Variants in ELOB observed in about 807,000 individuals in gnomAD.
The protein encoded by ELOB is elongin-B.
A neutral mutation model predicts 12.9 loss-of-function variants in ELOB; 3 were observed. That is an observed-to-expected ratio of 0.23 (90% CI 0.11 to 0.60). The LOEUF is 0.60. Ranked by LOEUF, ELOB falls within the 20% of genes least tolerant of loss-of-function variation. ELOB has a pLI of 0.89. For missense variants in ELOB, 126 were observed against 159.2 expected, an observed-to-expected ratio of 0.79 and a Z score of 1.12; for synonymous variants, 84 against 67.4, an observed-to-expected ratio of 1.25 and a Z score of -1.21.
At chr16:2,772,805 G>A (rs537947554) in intron 3 of ELOB, among the ~76,000 whole-genome samples, 8 of 151,946 alleles carry the variant, frequency 5.3e-5, no homozygotes, top group East Asian at 1.9e-4. Flanking sequence ...AGTCCTTGCC[G>A]TCTGTCTCTC....
In ELOB at chr16:2,777,124, C is replaced by T; in HGVS notation, c.7G>A (p.Val3Met). The T allele has an allele frequency of 6.5e-7, 1 of 1,548,608 alleles. No individual in the cohort carries two copies. The highest frequency in any genetic ancestry group is 8.7e-7 in the Non-Finnish European group (1 of 1,147,180). ...TTGTGGCGCCGGATCATGAGGAACA[C>T]GTCCTGGGGGCGGCGGGCCGGCGTG... MD[V>M]FLMIRRHKTT... Residue 3 changes from valine to methionine, a missense_variant, in exon 2 of 4, where the codon GTG becomes ATG. Physicochemically the swap from Val to Met is conservative, Grantham distance 21. Coordinates refer to ENST00000409906, the MANE Select transcript of ELOB (RefSeq NM_007108.4).
intron 3 of ELOB, 93 bp downstream of exon 3, chr16:2,775,358 G>C: frequency 1.2e-6 from 1 of 806,456 alleles, no homozygotes; most frequent in African/African-American, 1.7e-5. Flanking sequence ...TGCCCTGAAG[G>C]CTTCAACTCC....
chr16:2,773,271 G>A (rs554339861), intron 3 of ELOB, among the ~76,000 whole-genome samples: 18 of 152,194 alleles, frequency 1.2e-4, no homozygotes, highest in East Asian at 3.9e-4. Flanking sequence ...GTGCCCCAGC[G>A]CTATCTAGTG....
At chr16:2,772,988 CA>C (rs2068775384) in intron 3 of ELOB, among the ~76,000 whole-genome samples, 1 of 152,112 alleles carries the variant, frequency 6.6e-6, no homozygotes, top group Non-Finnish European at 1.5e-5. Context: ...CACGCACCCC[CA>C]AAAGTCAAGA....
chr16:2,772,238 A>G (rs2068763455), intron 3 of ELOB, 136 bp from the exon 4 acceptor site: 5 of 1,053,056 alleles, frequency 4.7e-6, no homozygotes, highest in Non-Finnish European at 6.5e-6. Context: ...TAGTCTCCAC[A>G]GCGCTGACCT....
chr16:2,776,593 G>C (rs1027243852), intron 2 of ELOB, among the ~76,000 whole-genome samples: 30 of 152,200 alleles, frequency 2.0e-4, no homozygotes, highest in African/African-American at 6.3e-4. Flanking sequence ...AGGAGTGTCC[G>C]GGGGGACAGC....
At chr16:2,774,014 G>A (rs1424201349) in intron 3 of ELOB, among the ~76,000 whole-genome samples, 2 of 152,192 alleles carry the variant, frequency 1.3e-5, no homozygotes, top group Non-Finnish European at 2.9e-5. Flanking sequence ...TGGATCGCCT[G>A]AGGTCAGGAG....
chr16:2,772,132 G>A (rs377208918), intron 3 of ELOB, 30 bp from the exon 4 acceptor site: 75 of 1,558,602 alleles, frequency 4.8e-5, no homozygotes, highest in Non-Finnish European at 6.3e-5. Context: ...GCTGCAGGGG[G>A]GTATTCCAGC....
intron 1 of ELOB, 34 bp from the exon 2 acceptor site, chr16:2,777,161 C>T (rs377483102): frequency 1.1e-5 from 14 of 1,253,230 alleles, no homozygotes; most frequent in Non-Finnish European, 1.4e-5. Context: ...GCACGAAGCC[C>T]GGGCCCCCCG....
At position 2,771,567 on chromosome 16, in the gene ELOB, T is replaced by C; in HGVS notation, c.*423A>G. 1 of 1,614,152 alleles carries C rather than the reference T, an allele frequency of 6.2e-7. No homozygotes were observed. On this transcript the variant is annotated 3_prime_UTR_variant, in exon 4 of 4. Transcript: ENST00000409906. Reference sequence around the variant, plus strand: ...CCAGGACACTGGCTCCAGCTTGTGTTTCTGCTCTTGGCCATCGTCTGGGAG... The same window carrying C: ...CCAGGACACTGGCTCCAGCTTGTGTCTCTGCTCTTGGCCATCGTCTGGGAG...
intron 3 of ELOB, among the ~76,000 whole-genome samples, chr16:2,772,704 C>G (rs1315564785): frequency 7.0e-6 from 1 of 141,960 alleles, no homozygotes; most frequent in East Asian, 2.0e-4. Context: ...GACTCCATCT[C>G]AAAAAAAAAA....
At position 2,771,751 on chromosome 16, in the gene ELOB, G is replaced by A. The variant is rs1365526360; in HGVS notation, c.*239C>T. On this transcript the variant is annotated 3_prime_UTR_variant, in exon 4 of 4. Transcript: ENST00000409906. ...GTGTGGCTGGCTAGCTGCTAACAAT[G>A]GCTTGGGTCTCAGGGCAACCCAGGT... 2 of 1,509,812 alleles carry A rather than the reference G, an allele frequency of 1.3e-6. No individual in the cohort carries two copies. Among genetic ancestry groups the A allele is most frequent in the Non-Finnish European group, 1.8e-6 (2 of 1,133,470 alleles). The allele number at this position is 1,509,812 out of a possible 1,614,324, so 93.5% of individuals were successfully genotyped here.
rs1477919891 is a variant in ELOB at position 2,775,442 on chromosome 16, G to A, written c.244+9C>T. On this transcript the variant is annotated intron_variant, in intron 3 of 3. Coordinates refer to ENST00000409906, the MANE Select transcript of ELOB (RefSeq NM_007108.4). ...TACCACCCAGCCCAGTGGGTGGTGG[G>A]CCTCTCACCTGCCCGGAAGGCCAGC... is the stretch of plus-strand genomic sequence containing the variant. The A allele has an allele frequency of 6.3e-7, 1 of 1,589,106 alleles. No homozygotes were observed. The highest frequency in any genetic ancestry group is 8.5e-7 in the Non-Finnish European group (1 of 1,173,756).
intron 3 of ELOB, among the ~76,000 whole-genome samples, chr16:2,773,411 A>G (rs1020012622): frequency 1.3e-5 from 2 of 152,182 alleles, no homozygotes; most frequent in Admixed American, 6.5e-5. Context: ...ACCTGTGACA[A>G]TTCGTGCCTT....
In ELOB at chr16:2,776,976, C is replaced by A; in HGVS notation, c.138+17G>T. The A allele has an allele frequency of 6.4e-7, 1 of 1,554,396 alleles. No individual in the cohort carries two copies. The highest frequency in any genetic ancestry group is 8.7e-7 in the Non-Finnish European group (1 of 1,150,544). ...GCGCCGGGTACCCGCTCCCCTCGGC[C>A]CGCCCGCGGGACCCACCTTGTACAG... On this transcript the variant is annotated intron_variant, in intron 2 of 3. Transcript: ENST00000409906.
In ELOB at chr16:2,776,982, G is replaced by C; in HGVS notation, c.138+11C>G. Reference sequence around the variant, plus strand: ...GGTACCCGCTCCCCTCGGCCCGCCCGCGGGACCCACCTTGTACAGCCGCTG... The same window carrying C: ...GGTACCCGCTCCCCTCGGCCCGCCCCCGGGACCCACCTTGTACAGCCGCTG... On this transcript the variant is annotated intron_variant, in intron 2 of 3. Coordinates refer to ENST00000409906, the MANE Select transcript of ELOB (RefSeq NM_007108.4). The C allele has an allele frequency of 6.4e-7, 1 of 1,559,874 alleles. No individual in the cohort carries two copies. The highest frequency in any genetic ancestry group is 8.7e-7 in the Non-Finnish European group (1 of 1,153,808).
At chr16:2,772,835 G>C (rs3094789) in intron 3 of ELOB, among the ~76,000 whole-genome samples, 117,117 of 151,522 alleles carry the variant, frequency 0.77, 45,663 homozygotes, top group Admixed American at 0.84. Context: ...CCCACGCTCT[G>C]AGGCTCTGGC....
rs781113021 is a variant in ELOB, at chr16:2,771,586, C to CT, written c.*403dup. The CT allele has an allele frequency of 1.7e-5, 28 of 1,613,952 alleles. No individual in the cohort carries two copies. In the Admixed American group the frequency reaches 4.5e-4, roughly 26 times the overall value. The stretch of plus-strand genomic sequence containing the variant: ...TTGTGTTTCTGCTCTTGGCCATCGT[C>CT]TGGGAGTGGACATGCAGGCTATGGG... On this transcript the variant is annotated 3_prime_UTR_variant, in exon 4 of 4. Coordinates refer to ENST00000409906, the MANE Select transcript of ELOB (RefSeq NM_007108.4).
In ELOB at chr16:2,771,640, C is replaced by T. The variant is rs372215429; in HGVS notation, c.*350G>A. On this transcript the variant is annotated 3_prime_UTR_variant, in exon 4 of 4. Transcript: ENST00000409906. ...GGGGGGCACTTAGAAGGAGAAAGGCCTAAAACTGGAATCTCTTGTCCCTGA... is the reference window on the plus strand; with the variant it reads ...GGGGGGCACTTAGAAGGAGAAAGGCTTAAAACTGGAATCTCTTGTCCCTGA... 13 of 1,613,062 alleles carry T rather than the reference C, an allele frequency of 8.1e-6. No individual in the cohort carries two copies. Among genetic ancestry groups the T allele is most frequent in the Non-Finnish European group, 1.1e-5 (13 of 1,179,646 alleles).
Sources: gnomAD v4.1 joint callset for allele counts (sites outside exome capture counted in the v4.1 genomes callset) on GRCh38, gnomAD v4.1.1 for gene constraint, MANE v1.5 for transcripts, NCBI Gene and HGNC (gene_info 2026-07-23, HGNC 2026-07-21) for gene names.